The following DNAH6 variants were observed in gnomAD, a reference collection of about 807,000 sequenced individuals.
DNAH6 encodes dynein axonemal heavy chain 6.
In DNAH6, 340 loss-of-function variants were observed where a neutral mutation model predicts 491.4. That is an observed-to-expected ratio of 0.69 (90% confidence interval 0.63 to 0.76). The LOEUF (loss-of-function observed/expected upper bound fraction) is 0.76. Among genes scored for constraint, DNAH6 ranks in the 30% least tolerant of loss-of-function variants. The pLI is 0.00. For missense variants in DNAH6, 4,443 were observed against 4,972.2 expected (o/e 0.89, Z 3.20); for synonymous variants, 1,603 against 1,686.1 (o/e 0.95, Z 1.21).
intron 62 of DNAH6, among the ~76,000 whole-genome samples, chr2:84,744,042 T>A (rs1672747804): frequency 6.6e-6 from 1 of 152,224 alleles, no homozygotes; most frequent in Admixed American, 6.5e-5. Context: ...GTATGCTTTG[T>A]CGTCTCATAC....
At position 84,703,509 on chromosome 2, in the gene DNAH6, G is replaced by T. The variant is rs1325530226; in HGVS notation, c.8176G>T (p.Asp2726Tyr). 3.9e-6 allele frequency: 6 copies of T among 1,551,544 alleles called. No individual in the cohort carries two copies. Among genetic ancestry groups the T allele is most frequent in the Non-Finnish European group, 5.2e-6 (6 of 1,146,866 alleles). The change falls in exon 50 of 77, where the codon GAT (aspartate) becomes TAT (tyrosine). Residue 2726 changes from aspartate (D) to tyrosine (Y), a missense_variant. Asp to Tyr is a radical substitution (Grantham distance 160). Coordinates refer to ENST00000389394, the MANE Select transcript of DNAH6 (RefSeq NM_001370.2). Reference sequence around the variant, plus strand: ...GCCTGTACTTTTAGCAAAATCAGAAGATGTTGAAGCCCTGATGGAAAAATT... The same window carrying T: ...GCCTGTACTTTTAGCAAAATCAGAATATGTTGAAGCCCTGATGGAAAAATT... ...LEPVLLAKSE[D>Y]VEALMEKLAV... is the part of the protein sequence containing the mutation.
intron 60 of DNAH6, among the ~76,000 whole-genome samples, chr2:84,725,741 G>C (rs1050752238): frequency 6.6e-6 from 1 of 152,174 alleles, no homozygotes; most frequent in African/African-American, 2.4e-5. Flanking sequence ...ATATTTGTAG[G>C]TGACAGCCTT....
chr2:84,609,028 G>A (rs898950553), intron 21 of DNAH6, among the ~76,000 whole-genome samples: 3 of 152,062 alleles, frequency 2.0e-5, no homozygotes, highest in Admixed American at 6.6e-5. Context: ...TCAGTCTCAC[G>A]AATCAACCTC....
intron 64 of DNAH6, among the ~76,000 whole-genome samples, chr2:84,766,086 A>T (rs1675049126): frequency 6.6e-6 from 1 of 152,198 alleles, no homozygotes; most frequent in Non-Finnish European, 1.5e-5. Context: ...GGAGAAATTT[A>T]TACAAGAAAA....
intron 14 of DNAH6, among the ~76,000 whole-genome samples, chr2:84,580,267 A>C (rs903119930): frequency 3.9e-5 from 6 of 152,002 alleles, no homozygotes; most frequent in African/African-American, 1.5e-4. Flanking sequence ...CAAATGATGC[A>C]GATGGAATCA....
At chr2:84,812,585 C>T in intron 73 of DNAH6, 59 bp downstream of exon 73, 2 of 1,395,548 alleles carry the variant, frequency 1.4e-6, no homozygotes, top group Non-Finnish European at 2.0e-6. Context: ...GGCCTAAGGT[C>T]CCTAGGAAGC....
rs1260097142 is a variant in DNAH6, at chr2:84,544,434, T to C, written c.864T>C (p.Asn288=). 6.5e-7 allele frequency: 1 copy of C among 1,540,088 alleles called. No homozygotes were observed. The highest frequency in any genetic ancestry group is 8.8e-7 in the Non-Finnish European group (1 of 1,136,682). The change falls in exon 5 of 77, where the codon AAT becomes AAC. Residue 288 remains asparagine (N), a synonymous_variant. Coordinates refer to ENST00000389394, the MANE Select transcript of DNAH6 (RefSeq NM_001370.2). Reference sequence around the variant, plus strand: ...AGGCTTTTAGTGTATGGAGGAAGAATGTCCGCTCCAAGAAAATCACTGGAT... The same window carrying C: ...AGGCTTTTAGTGTATGGAGGAAGAACGTCCGCTCCAAGAAAATCACTGGAT... ...KWKAFSVWRK[N]VRSKKITGCQ...
chr2:84,702,807 A>G (rs1696056354), intron 49 of DNAH6, among the ~76,000 whole-genome samples: 1 of 152,090 alleles, frequency 6.6e-6, no homozygotes, highest in Admixed American at 6.6e-5. Context: ...AAGTGCTGGC[A>G]TTACAGATGT....
At chr2:84,503,441 C>T in the DNAH6 span, among the ~76,000 whole-genome samples, 1 of 152,084 alleles carries the variant, frequency 6.6e-6, no homozygotes, top group Admixed American at 6.6e-5. Flanking sequence ...TTACACACCA[C>T]AGTTACAGTG....
Position 84,658,356 on chromosome 2 carries a change from A to C in DNAH6, c.5822A>C (p.His1941Pro), listed in dbSNP as rs1381496691. The C allele has an allele frequency of 1.9e-6, 3 of 1,548,592 alleles. No individual in the cohort carries two copies. The highest frequency in any genetic ancestry group is 2.6e-6 in the Non-Finnish European group (3 of 1,145,312). Residue 1941 changes from histidine (H) to proline (P), a missense_variant, in exon 36 of 77, where the codon CAT becomes CCT. By Grantham distance (77) the His-to-Pro change is moderately conservative. This residue lies in a region of DNAH6 where 2,977 missense variants were observed against 3,296.6 expected (regional missense o/e 0.90). Transcript: ENST00000389394. The stretch of plus-strand genomic sequence containing the variant: ...CAACGTTATGTTGATGAAGGTTTAC[A>C]TTTTATCAATAAAAAGTGCAGCCAA... ...LFQRYVDEGLHFINKKCSQAI... is the reference protein window; with the variant it reads ...LFQRYVDEGLPFINKKCSQAI...
chr2:84,731,506 C>T (rs1020944305), intron 61 of DNAH6, among the ~76,000 whole-genome samples: 3 of 152,222 alleles, frequency 2.0e-5, no homozygotes, highest in African/African-American at 4.8e-5. Flanking sequence ...ATGGCGTACT[C>T]AGCTCCTAGA....
At chr2:84,564,534 A>AT (rs1368734848) in intron 11 of DNAH6, among the ~76,000 whole-genome samples, 2 of 152,152 alleles carry the variant, frequency 1.3e-5, no homozygotes, top group African/African-American at 2.4e-5. Flanking sequence ...TTGTACATTT[A>AT]TTTTGTATTC....
chr2:84,810,000 G>A (rs1473775877), intron 72 of DNAH6, among the ~76,000 whole-genome samples: 3 of 152,112 alleles, frequency 2.0e-5, no homozygotes. Context: ...CACTAAGGAG[G>A]TGCTTTTGTT....
intron 64 of DNAH6, among the ~76,000 whole-genome samples, chr2:84,763,643 G>T (rs770593143): frequency 2.6e-5 from 4 of 151,378 alleles, no homozygotes; most frequent in African/African-American, 7.3e-5. Context: ...ATTAAGGATG[G>T]ATTCCATTTC....
At chr2:84,523,770 A>AT (rs1676356693) in intron 2 of DNAH6, among the ~76,000 whole-genome samples, 1 of 152,080 alleles carries the variant, frequency 6.6e-6, no homozygotes, top group Non-Finnish European at 1.5e-5. Context: ...GTTTTGAGCA[A>AT]TTTTAGTAGT....
rs528785833 is a variant in DNAH6, at chr2:84,730,319, G to A, written c.10206+2417G>A. ...AAAACAACTGGAACCAATACACAAA[G>A]CCTCAAGCATCTGCAGGTTTCTATT... On this transcript the variant is annotated intron_variant, in intron 61 of 76. Transcript: ENST00000389394. Among the ~76,000 whole-genome samples the A allele has an allele frequency of 6.6e-5, 10 of 152,318 alleles. No individual in the cohort carries two copies. The South Asian group carries it at 2.1e-3, about 32-fold the overall frequency.
chr2:84,817,898 T>C (rs1680647061), intron 76 of DNAH6, among the ~76,000 whole-genome samples: 1 of 152,070 alleles, frequency 6.6e-6, no homozygotes, highest in Admixed American at 6.5e-5. Flanking sequence ...CACCCCCCAT[T>C]CCAAGGAGTA....
intron 12 of DNAH6, among the ~76,000 whole-genome samples, chr2:84,574,829 CT>C (rs1682265981): frequency 6.6e-6 from 1 of 152,224 alleles, no homozygotes; most frequent in Admixed American, 6.5e-5. Flanking sequence ...CTGAGCTCTT[CT>C]ACTCATATCC....
chr2:84,669,481 T>G lies in DNAH6; in HGVS notation c.6277T>G (p.Leu2093Val). Residue 2093 changes from leucine to valine, a missense_variant, in exon 38 of 77, where the codon TTG becomes GTG. Around this residue, in one of 3 missense-constraint regions of DNAH6, gnomAD observed 2,977 missense variants for 3,296.6 expected, o/e 0.90. Coordinates refer to ENST00000389394, the MANE Select transcript of DNAH6 (RefSeq NM_001370.2). ...EKLLAVKHSVLFTGITGVGKS... is the reference protein window; with the variant it reads ...EKLLAVKHSVVFTGITGVGKS... ...ACTACTGGCAGTCAAGCATTCCGTG[T>G]TGTTTACTGGAATAACTGGAGTGGG... 6.4e-7 allele frequency: 1 copy of G among 1,551,832 alleles called. No homozygotes were observed. Among genetic ancestry groups the G allele is most frequent in the East Asian group, 2.4e-5 (1 of 40,922 alleles).
Sources: gnomAD v4.1 joint callset for allele counts (sites outside exome capture counted in the v4.1 genomes callset) on GRCh38, gnomAD v4.1.1 for gene constraint, gnomAD v4.1.1 regional missense constraint, MANE v1.5 for transcripts, NCBI Gene and HGNC (gene_info 2026-07-23, HGNC 2026-07-21) for gene names.